ATR: variants seen among roughly 807,000 people sequenced by gnomAD.
ATR encodes the protein serine/threonine-protein kinase ATR.
A neutral mutation model predicts 305.3 loss-of-function variants in ATR; 142 were observed. The ratio of observed to expected loss-of-function variants is 0.47; its 90% CI spans 0.41 to 0.53. The LOEUF (loss-of-function observed/expected upper bound fraction) is 0.53, where lower values mean the gene tolerates loss of function less well. Ranked by LOEUF, ATR falls within the 20% of genes least tolerant of loss-of-function variation. The pLI, the probability that ATR is intolerant of heterozygous loss-of-function variation, is 0.00. For synonymous variants in ATR, 1,050 were observed against 1,068.1 expected, an observed-to-expected ratio of 0.98 and a Z score of 0.33; for missense variants, 2,135 against 3,133.1, an observed-to-expected ratio of 0.68 and a Z score of 7.60.
At chr3:142,512,009 T>C (rs535654149) in intron 27 of ATR, among the ~76,000 whole-genome samples, 1 of 151,772 alleles carries the variant, frequency 6.6e-6, no homozygotes, top group South Asian at 2.1e-4. Flanking sequence ...TCCCAACTAC[T>C]TGGGAGGCTG....
chr3:142,520,194 A>C (rs1368960957), intron 23 of ATR, among the ~76,000 whole-genome samples: 1 of 152,152 alleles, frequency 6.6e-6, no homozygotes. Flanking sequence ...CCTAATCGAT[A>C]AATGTGGTGT....
chr3:142,556,306 C>T, intron 9 of ATR, 77 bp downstream of exon 9: 2 of 1,523,650 alleles, frequency 1.3e-6, no homozygotes, highest in Non-Finnish European at 1.8e-6. Context: ...ACAATAAACA[C>T]AACCCTGCAT....
intron 37 of ATR, 94 bp from the exon 38 acceptor site, chr3:142,469,663 A>G (rs1226455051): frequency 2.8e-5 from 31 of 1,096,214 alleles, no homozygotes; most frequent in Non-Finnish European, 3.9e-5. Context: ...CTTTAAAAAT[A>G]GCTTTAAAGT....
chr3:142,550,319 T>A lies in ATR; in HGVS notation c.2806-17A>T. ...TACCAAAAACTAGAGCAAAAACCAT[T>A]TTATTGTGAGTTTTCACACAAAGAA... is the stretch of plus-strand genomic sequence containing the variant. On this transcript the variant is annotated splice_polypyrimidine_tract_variant and intron_variant, in intron 13 of 46. Coordinates refer to ENST00000350721, the MANE Select transcript of ATR (RefSeq NM_001184.4). The A allele has an allele frequency of 6.2e-7, 1 of 1,612,928 alleles. No individual in the cohort carries two copies. The highest frequency in any genetic ancestry group is 8.5e-7 in the Non-Finnish European group (1 of 1,178,932).
At position 142,556,516 on chromosome 3, in the gene ATR, G is replaced by C. The variant is rs771284495; in HGVS notation, c.1945C>G (p.Leu649Val). 4.3e-6 allele frequency: 7 copies of C among 1,613,974 alleles called. No individual in the cohort carries two copies. Among genetic ancestry groups the C allele is most frequent in the Non-Finnish European group, 5.9e-6 (7 of 1,179,978 alleles). ...LLTLFPRRIF[L>V]EWRTAVYNWA... ...TTGTAAACTGCTGTTCTCCACTCAA[G>C]GAATATTCTTCTTGGAAACAGAGTC... The change falls in exon 9 of 47, where the codon CTT becomes GTT. Residue 649 changes from leucine to valine, a missense_variant. Physicochemically the swap from Leu to Val is conservative, Grantham distance 32. Transcript: ENST00000350721.
At chr3:142,482,313 C>T (rs372621695) in intron 36 of ATR, among the ~76,000 whole-genome samples, 1 of 152,080 alleles carries the variant, frequency 6.6e-6, no homozygotes, top group Non-Finnish European at 1.5e-5. Context: ...CTTAAGCATA[C>T]AAATATTTTA....
intron 29 of ATR, among the ~76,000 whole-genome samples, chr3:142,503,927 T>A (rs1191096043): frequency 1.3e-5 from 2 of 152,254 alleles, no homozygotes; most frequent in Non-Finnish European, 2.9e-5. Context: ...AAGATTGTCA[T>A]ATTTCTCACA....
rs78070394 is a variant in ATR at position 142,497,446 on chromosome 3, C to T, written c.5559-254G>A. ...GTAGCGTGCACCTGTACTCCAGCTACTCAGGAGACTGAGGCAGGTGGATCA... is the reference window on the plus strand; with the variant it reads ...GTAGCGTGCACCTGTACTCCAGCTATTCAGGAGACTGAGGCAGGTGGATCA... On this transcript the variant is annotated intron_variant, in intron 32 of 46. Transcript: ENST00000350721. Among the ~76,000 whole-genome samples the T allele has an allele frequency of 0.021, 3,263 of 152,128 alleles. 51 individuals are homozygous for T. Among genetic ancestry groups the T allele is most frequent in the Middle Eastern group, 0.037 (11 of 294 alleles).
Position 142,568,125 on chromosome 3 carries a change from A to G in ATR, c.89T>C (p.Val30Ala), listed in dbSNP as rs1347107495. The change falls in exon 2 of 47, where the codon GTA (valine) becomes GCA (alanine). Residue 30 changes from valine to alanine, a missense_variant. Val to Ala is a moderately conservative substitution (Grantham distance 64). Around this residue, in one of 9 missense-constraint regions of ATR, gnomAD observed 744 missense variants for 873.2 expected, o/e 0.85. Transcript: ENST00000350721. ...SATPEEYNTV[V>A]QKPRQILCQF... ...ACACAGAATTTGTCTTGGCTTCTGT[A>G]CAACTGTATTATATTCCTCTGGTGT... 6.2e-7 allele frequency: 1 copy of G among 1,612,666 alleles called. No individual in the cohort carries two copies. Among genetic ancestry groups the G allele is most frequent in the African/African-American group, 1.3e-5 (1 of 75,024 alleles).
intron 36 of ATR, among the ~76,000 whole-genome samples, chr3:142,476,089 T>C (rs1394001409): frequency 2.0e-5 from 3 of 152,222 alleles, no homozygotes; most frequent in Admixed American, 1.3e-4. Flanking sequence ...GCAGAAGCTC[T>C]TTAGTTTAAT....
At chr3:142,525,930 A>G (rs2033372057) in intron 21 of ATR, among the ~76,000 whole-genome samples, 1 of 152,144 alleles carries the variant, frequency 6.6e-6, no homozygotes, top group South Asian at 2.1e-4. Flanking sequence ...CTTCTTTTTA[A>G]TAAATTACCC....
intron 8 of ATR, 32 bp from the exon 9 acceptor site, chr3:142,556,607 C>T: frequency 2.5e-6 from 4 of 1,595,410 alleles, no homozygotes; most frequent in Non-Finnish European, 3.4e-6. Context: ...AACAAGATTT[C>T]TACTAATGTT....
chr3:142,453,446 A>G (rs1428408011), intron 45 of ATR, among the ~76,000 whole-genome samples: 1 of 152,188 alleles, frequency 6.6e-6, no homozygotes, highest in African/African-American at 2.4e-5. Context: ...GAGGGGAGTC[A>G]GAGGTGTTTT....
At chr3:142,566,006 A>C in intron 3 of ATR, 115 bp downstream of exon 3, 1 of 1,414,838 alleles carries the variant, frequency 7.1e-7, no homozygotes, top group Non-Finnish European at 9.9e-7. Flanking sequence ...CCTTCAATTT[A>C]TAGCAAAGCT....
intron 24 of ATR, 54 bp downstream of exon 24, chr3:142,519,615 T>G (rs2033056482): frequency 1.3e-6 from 2 of 1,481,488 alleles, no homozygotes; most frequent in African/African-American, 2.8e-5. Context: ...AATCGCATTA[T>G]TTTTATATAA....
intron 27 of ATR, among the ~76,000 whole-genome samples, chr3:142,510,115 GAA>G (rs397760180): frequency 3.1e-5 from 3 of 95,298 alleles, no homozygotes; most frequent in Non-Finnish European, 4.0e-5. Flanking sequence ...GACTGTCTCA[GAA>G]AAAAAAAAAA....
chr3:142,538,679 G>A lies in ATR; in HGVS notation c.3582-54C>T. ...TCCAATTACTTTTATTATTTGTAAA[G>A]CTCTATCAATCAGTAATTAGTTGAA... On this transcript the variant is annotated intron_variant, in intron 18 of 46. Coordinates refer to ENST00000350721, the MANE Select transcript of ATR (RefSeq NM_001184.4). The A allele has an allele frequency of 1.9e-6, 3 of 1,598,222 alleles. 1 individual carries two copies. The South Asian group carries it at 3.3e-5, about 18-fold the overall frequency.
intron 41 of ATR, 55 bp downstream of exon 41, chr3:142,465,042 A>T (rs1293742485): frequency 5.0e-6 from 6 of 1,207,296 alleles, no homozygotes; most frequent in East Asian, 3.1e-5. Flanking sequence ...AATAGTCAAA[A>T]ATTTTTTTAA....
chr3:142,543,761 C>T (rs1256174008), intron 16 of ATR, among the ~76,000 whole-genome samples: 1 of 151,888 alleles, frequency 6.6e-6, no homozygotes, highest in Non-Finnish European at 1.5e-5. Context: ...CCTCAACCTC[C>T]TAGACTCAAG....
Sources: allele counts gnomAD v4.1 joint callset (sites outside exome capture counted in the v4.1 genomes callset), GRCh38; gene constraint gnomAD v4.1.1; regional missense constraint gnomAD v4.1.1; transcripts MANE v1.5; gene names NCBI Gene and HGNC (gene_info 2026-07-23, HGNC 2026-07-21).